Variants in DNAJC3 observed in about 807,000 individuals in gnomAD.
The protein encoded by DNAJC3 is dnaJ homolog subfamily C member 3.
Under a neutral mutation model 68.6 loss-of-function variants are expected in DNAJC3, and 38 were observed. That is an observed-to-expected ratio of 0.55 (90% CI 0.43 to 0.73). The LOEUF is 0.73. Ranked by LOEUF, DNAJC3 falls within the 30% of genes least tolerant of loss-of-function variation. The pLI is 0.00. For missense variants in DNAJC3, 526 were observed against 591.9 expected, an observed-to-expected ratio of 0.89 and a Z score of 1.16; for synonymous variants, 203 against 204.0, an observed-to-expected ratio of 1.00 and a Z score of 0.04.
intron 1 of DNAJC3, among the ~76,000 whole-genome samples, chr13:95,705,043 G>A (rs1490267851): frequency 2.0e-5 from 3 of 151,890 alleles, no homozygotes; most frequent in Non-Finnish European, 4.4e-5. Context: ...GTAGAGATGG[G>A]GTTTTGCCAC....
intron 3 of DNAJC3, among the ~76,000 whole-genome samples, chr13:95,724,630 G>A (rs1419663242): frequency 1.3e-5 from 2 of 151,940 alleles, no homozygotes; most frequent in Non-Finnish European, 2.9e-5. Flanking sequence ...CACTTTTATC[G>A]ACCCCCAAAG....
intron 10 of DNAJC3, among the ~76,000 whole-genome samples, chr13:95,786,684 C>G (rs1283214844): frequency 6.6e-6 from 1 of 151,954 alleles, no homozygotes; most frequent in African/African-American, 2.4e-5. Context: ...TTTTTAATAC[C>G]AAGAATTGAA....
At chr13:95,773,378 C>T (rs1286619394) in intron 9 of DNAJC3, among the ~76,000 whole-genome samples, 1 of 151,750 alleles carries the variant, frequency 6.6e-6, no homozygotes, top group Non-Finnish European at 1.5e-5. Flanking sequence ...GCCATGCTGC[C>T]CAGGCTAGTC....
At chr13:95,738,975 C>G (rs1455876089) in intron 4 of DNAJC3, among the ~76,000 whole-genome samples, 1 of 151,978 alleles carries the variant, frequency 6.6e-6, no homozygotes, top group Non-Finnish European at 1.5e-5. Flanking sequence ...TTGTTCCTTT[C>G]CATGTTTAGT....
At chr13:95,707,751 A>T (rs773408655) in intron 1 of DNAJC3, among the ~76,000 whole-genome samples, 2 of 152,216 alleles carry the variant, frequency 1.3e-5, no homozygotes, top group Non-Finnish European at 2.9e-5. Flanking sequence ...ACTCTAACGG[A>T]TATTCTAGGA....
chr13:95,729,181 T>TTC (rs34173455), intron 4 of DNAJC3, among the ~76,000 whole-genome samples: 9,424 of 134,570 alleles, frequency 0.07, 396 homozygotes, highest in East Asian at 0.17. Context: ...CATTCACTCA[T>TTC]TCTCTCTCTC....
In DNAJC3 at chr13:95,721,904, G is replaced by A. The variant is rs752488467; in HGVS notation, c.194-1338G>A. Among the ~76,000 whole-genome samples the A allele has an allele frequency of 3.4e-4, 52 of 152,210 alleles. 2 individuals are homozygous for A. The highest frequency in any genetic ancestry group is 4.7e-4 in the Non-Finnish European group (32 of 68,020). On this transcript the variant is annotated intron_variant, in intron 2 of 11. Coordinates refer to ENST00000602402, the MANE Select transcript of DNAJC3 (RefSeq NM_006260.5). ...TTGAATGATTATGGACTGTCCTGCC[G>A]TATAGATTCTTCTATTGTAATGTTT...
At chr13:95,706,614 C>T (rs187239039) in intron 1 of DNAJC3, among the ~76,000 whole-genome samples, 1 of 152,254 alleles carries the variant, frequency 6.6e-6, no homozygotes, top group Non-Finnish European at 1.5e-5. Flanking sequence ...TTAAGGCATC[C>T]ACCATGGGTA....
At chr13:95,695,934 A>G (rs1171744078) in intron 1 of DNAJC3, among the ~76,000 whole-genome samples, 1 of 152,186 alleles carries the variant, frequency 6.6e-6, no homozygotes, top group Non-Finnish European at 1.5e-5. Flanking sequence ...GCCAACACTA[A>G]TATATTAGTA....
chr13:95,711,807 A>T (rs959846349), intron 2 of DNAJC3, among the ~76,000 whole-genome samples: 4 of 152,034 alleles, frequency 2.6e-5, no homozygotes, highest in Non-Finnish European at 5.9e-5. Context: ...GAAAACAGAC[A>T]AAAATAACAG....
Position 95,763,672 on chromosome 13 carries a change from C to A in DNAJC3, c.878C>A (p.Ser293Tyr). The part of the protein sequence containing the change: ...RYTDATSKYE[S>Y]VMKTEPSIAE... ...ACAGATGCTACCAGCAAATATGAAT[C>A]TGTCATGAAAACAGAGCCAAGCATT... The change falls in exon 8 of 12, where the codon TCT (serine) becomes TAT (tyrosine). Residue 293 changes from serine (S) to tyrosine (Y), a missense_variant. Coordinates refer to ENST00000602402, the MANE Select transcript of DNAJC3 (RefSeq NM_006260.5). The A allele has an allele frequency of 6.2e-7, 1 of 1,613,876 alleles. No individual in the cohort carries two copies. Among genetic ancestry groups the A allele is most frequent in the East Asian group, 2.2e-5 (1 of 44,856 alleles).
At chr13:95,788,558 C>T (rs1362853120) in intron 11 of DNAJC3, among the ~76,000 whole-genome samples, 4 of 152,182 alleles carry the variant, frequency 2.6e-5, no homozygotes, top group Admixed American at 1.3e-4. Flanking sequence ...TTAGTAGAAT[C>T]ACATGATGTA....
rs1393594202 is a variant in DNAJC3 at position 95,738,019 on chromosome 13, T to G, written c.393+12767T>G. On this transcript the variant is annotated intron_variant, in intron 4 of 11. Coordinates refer to ENST00000602402, the MANE Select transcript of DNAJC3 (RefSeq NM_006260.5). ...ATGCGTCCCAGAGATTCTGGTATGT[T>G]GTGTCTTTGTTCTCGTTGGTTTCAA... is the stretch of plus-strand genomic sequence containing the variant. Among the ~76,000 whole-genome samples, 17 of 137,906 alleles carry G rather than the reference T, an allele frequency of 1.2e-4. No homozygotes were observed. In the South Asian group the frequency reaches 4.2e-3, roughly 34 times the overall value. 90.5% of individuals were successfully genotyped at this position (137,906 alleles called of 152,430 possible).
chr13:95,730,378 T>C (rs1386812415), intron 4 of DNAJC3, among the ~76,000 whole-genome samples: 2 of 152,210 alleles, frequency 1.3e-5, no homozygotes, highest in Admixed American at 1.3e-4. Context: ...CATAAAAACT[T>C]TGCATAGACC....
intron 1 of DNAJC3, among the ~76,000 whole-genome samples, chr13:95,704,804 C>G (rs943013169): frequency 2.7e-5 from 4 of 149,556 alleles, no homozygotes; most frequent in African/African-American, 1.0e-4. Flanking sequence ...GTAGCTTTAG[C>G]CAGATCAGTT....
intron 4 of DNAJC3, chr13:95,745,166 CAATT>C (rs1882265125): frequency 6.6e-6 from 1 of 151,940 alleles, no homozygotes; most frequent in African/African-American, 2.4e-5. Context: ...ATAATAATGT[CAATT>C]AAATGGCAAT....
At chr13:95,702,475 C>CAT (rs1488815664) in intron 1 of DNAJC3, among the ~76,000 whole-genome samples, 1 of 152,164 alleles carries the variant, frequency 6.6e-6, no homozygotes, top group Non-Finnish European at 1.5e-5. Context: ...GCCCCCAATT[C>CAT]ATATGTTGAA....
chr13:95,777,787 G>A (rs963642320), intron 9 of DNAJC3, among the ~76,000 whole-genome samples: 3 of 151,970 alleles, frequency 2.0e-5, no homozygotes, highest in African/African-American at 7.3e-5. Context: ...TATTAAGAAG[G>A]GAACAAAAAA....
intron 9 of DNAJC3, among the ~76,000 whole-genome samples, chr13:95,770,163 T>C (rs1883119900): frequency 1.3e-5 from 2 of 152,162 alleles, no homozygotes. Context: ...AAGACAGTCA[T>C]AGATACATGT....
Sources: gnomAD v4.1 joint callset for allele counts (sites outside exome capture counted in the v4.1 genomes callset) on GRCh38, gnomAD v4.1.1 for gene constraint, MANE v1.5 for transcripts, NCBI Gene and HGNC (gene_info 2026-07-23, HGNC 2026-07-21) for gene names.